Variants in BCL2 observed in about 807,000 individuals in gnomAD.
The protein encoded by BCL2 is BCL2 apoptosis regulator, also known as apoptosis regulator Bcl-2.
Under a neutral mutation model 14.2 loss-of-function variants are expected in BCL2, and 1 was observed. The observed-to-expected ratio is 0.07, with a 90% CI of 0.02 to 0.33. BCL2 has a LOEUF of 0.33. Among genes scored for constraint, BCL2 ranks in the 10% least tolerant of loss-of-function variants. BCL2 has a pLI of 0.99. For missense variants in BCL2, 247 were observed against 305.9 expected (o/e 0.81, Z 1.44); for synonymous variants, 151 against 137.2 (o/e 1.10, Z -0.70).
chr18:63,261,781 G>T (rs1329989319), intron 2 of BCL2, among the ~76,000 whole-genome samples: 3 of 149,986 alleles, frequency 2.0e-5, no homozygotes, highest in Non-Finnish European at 3.0e-5. Flanking sequence ...CTTTTTTGTT[G>T]TTATTTTTTC....
chr18:63,157,482 A>G (rs1914813923), intron 2 of BCL2, among the ~76,000 whole-genome samples: 1 of 152,200 alleles, frequency 6.6e-6, no homozygotes, highest in Non-Finnish European at 1.5e-5. Flanking sequence ...CGGCAGTTGA[A>G]AAGGGGCACC....
intron 2 of BCL2, among the ~76,000 whole-genome samples, chr18:63,252,071 G>A (rs1440986538): frequency 1.3e-5 from 2 of 152,146 alleles, no homozygotes; most frequent in African/African-American, 4.8e-5. Flanking sequence ...TAGCATTAAA[G>A]TATGCAAAGA....
At chr18:63,141,007 T>G (rs1162527603) in intron 2 of BCL2, among the ~76,000 whole-genome samples, 2 of 152,134 alleles carry the variant, frequency 1.3e-5, no homozygotes, top group Non-Finnish European at 2.9e-5. Context: ...AGAACTGTAG[T>G]AGGAGGTGGC....
At chr18:63,237,472 C>G (rs1051307871) in intron 2 of BCL2, among the ~76,000 whole-genome samples, 1 of 152,210 alleles carries the variant, frequency 6.6e-6, no homozygotes, top group East Asian at 1.9e-4. Flanking sequence ...TAGAGACAGA[C>G]GGACTAGGTG....
At chr18:63,139,132 G>C (rs1355128866) in intron 2 of BCL2, among the ~76,000 whole-genome samples, 1 of 152,150 alleles carries the variant, frequency 6.6e-6, no homozygotes. Context: ...CTGGAGGGAA[G>C]CACAGAACCA....
intron 2 of BCL2, among the ~76,000 whole-genome samples, chr18:63,299,678 C>A (rs1375392981): frequency 6.6e-6 from 1 of 152,232 alleles, no homozygotes; most frequent in Non-Finnish European, 1.5e-5. Context: ...CCATCCCCAA[C>A]TGCCTCTCTT....
intron 2 of BCL2, among the ~76,000 whole-genome samples, chr18:63,206,993 A>G (rs532006270): frequency 1.3e-5 from 2 of 152,182 alleles, no homozygotes; most frequent in Non-Finnish European, 2.9e-5. Context: ...CTGCTGACAG[A>G]GGCTGACAGA....
intron 2 of BCL2, among the ~76,000 whole-genome samples, chr18:63,295,819 C>T (rs1189254193): frequency 6.6e-6 from 1 of 152,180 alleles, no homozygotes; most frequent in East Asian, 1.9e-4. Flanking sequence ...GTCCAGGGTA[C>T]CTGCCTTGTC....
At chr18:63,310,133 G>T (rs1277479751) in intron 2 of BCL2, among the ~76,000 whole-genome samples, 2 of 152,314 alleles carry the variant, frequency 1.3e-5, no homozygotes, top group Non-Finnish European at 2.9e-5. Flanking sequence ...ACAGTGCTGG[G>T]ATTACAGGCC....
At chr18:63,297,554 T>C (rs1046017163) in intron 2 of BCL2, among the ~76,000 whole-genome samples, 1 of 152,192 alleles carries the variant, frequency 6.6e-6, no homozygotes, top group Non-Finnish European at 1.5e-5. Flanking sequence ...CAGAGCAGCC[T>C]TTTCTCAGTG....
intron 2 of BCL2, among the ~76,000 whole-genome samples, chr18:63,287,463 G>A (rs76471562): frequency 0.017 from 2,532 of 152,302 alleles, 26 homozygotes; most frequent in Admixed American, 0.035. Context: ...GGATATAGAA[G>A]AGAAGAGAAG....
intron 2 of BCL2, among the ~76,000 whole-genome samples, chr18:63,171,908 G>C (rs1915229677): frequency 6.6e-6 from 1 of 152,160 alleles, no homozygotes. Flanking sequence ...TTGAGTCCAG[G>C]GGTTTGAGGC....
intron 2 of BCL2, among the ~76,000 whole-genome samples, chr18:63,300,121 G>C (rs1017505918): frequency 1.3e-5 from 2 of 152,214 alleles, no homozygotes; most frequent in South Asian, 2.1e-4. Flanking sequence ...TATGCATCCT[G>C]CAGTGGGGGA....
intron 2 of BCL2, among the ~76,000 whole-genome samples, chr18:63,202,973 C>T (rs1298788987): frequency 6.6e-6 from 1 of 152,212 alleles, no homozygotes; most frequent in Non-Finnish European, 1.5e-5. Context: ...TCCTGGCCTA[C>T]AGCCTGCAGC....
At chr18:63,148,311 G>GA (rs1244621656) in intron 2 of BCL2, among the ~76,000 whole-genome samples, 1 of 151,214 alleles carries the variant, frequency 6.6e-6, no homozygotes, top group Non-Finnish European at 1.5e-5. Context: ...AACATTCCAG[G>GA]AAAAAAGTGT....
chr18:63,231,394 T>C (rs891817171), intron 2 of BCL2, among the ~76,000 whole-genome samples: 1 of 151,824 alleles, frequency 6.6e-6, no homozygotes, highest in Non-Finnish European at 1.5e-5. Flanking sequence ...AAAATCAGAA[T>C]TAGAAATGAA....
Position 63,302,867 on chromosome 18 carries a change from G to A in BCL2, c.585+15215C>T, listed in dbSNP as rs1013873353. 9.0e-5 allele frequency: 89 copies of A among 985,260 alleles called. No homozygotes were observed. The African/African-American group carries it at 1.5e-3, about 16-fold the overall frequency. The allele number at this position is 985,260 out of a possible 1,614,324, so 61.0% of individuals were successfully genotyped here. A position where few individuals can be genotyped will look rare whatever the true frequency, so the allele number is the denominator to read the frequency against. ...GGCATCCTGTTCAAATGTTATTATG[G>A]AAACACTGTGCTGTTCTGGGCCAAA... On this transcript the variant is annotated intron_variant, in intron 2 of 2. Transcript: ENST00000333681.
At chr18:63,222,624 A>G (rs1207071202) in intron 2 of BCL2, among the ~76,000 whole-genome samples, 1 of 152,242 alleles carries the variant, frequency 6.6e-6, no homozygotes, top group African/African-American at 2.4e-5. Flanking sequence ...CAGTAGAGTA[A>G]CACAAAACAG....
chr18:63,316,114 A>C (rs1819362070), intron 2 of BCL2: 1 of 152,600 alleles, frequency 6.6e-6, no homozygotes, highest in Admixed American at 6.5e-5. Context: ...CTACTATGAA[A>C]ACTCTGTTTC....
Sources: gnomAD v4.1 joint callset for allele counts (sites outside exome capture counted in the v4.1 genomes callset) on GRCh38, gnomAD v4.1.1 for gene constraint, MANE v1.5 for transcripts, NCBI Gene and HGNC (gene_info 2026-07-23, HGNC 2026-07-21) for gene names.